Variants in CCM2 observed in about 807,000 individuals in gnomAD.
The protein encoded by CCM2 is CCM2 scaffold protein.
In CCM2, 25 loss-of-function variants were observed where a neutral mutation model predicts 44.9. The observed-to-expected ratio is 0.56, with a 90% CI of 0.41 to 0.78. CCM2 has a LOEUF of 0.78. Among genes scored for constraint, CCM2 ranks in the 30% least tolerant of loss-of-function variants. The probability of loss-of-function intolerance (pLI) is 0.00; values close to 1 mark genes in which losing one functional copy is unlikely to be tolerated. For missense variants in CCM2, 481 were observed against 580.6 expected (o/e 0.83, Z 1.76); for synonymous variants, 219 against 241.1 (o/e 0.91, Z 0.85).
At chr7:45,058,243 G>A (rs2128744242) in intron 2 of CCM2, among the ~76,000 whole-genome samples, 1 of 152,268 alleles carries the variant, frequency 6.6e-6, no homozygotes, top group Middle Eastern at 3.4e-3. Context: ...AGTGATAAGA[G>A]GGGACATCTT....
At chr7:45,031,027 AT>A (rs1796941370) in intron 1 of CCM2, among the ~76,000 whole-genome samples, 1 of 151,914 alleles carries the variant, frequency 6.6e-6, no homozygotes, top group Admixed American at 6.6e-5. Flanking sequence ...CCTGGCCTCG[AT>A]TTATTTTTTA....
intron 1 of CCM2, among the ~76,000 whole-genome samples, chr7:45,032,038 C>T (rs1796993565): frequency 6.6e-6 from 1 of 152,162 alleles, no homozygotes; most frequent in Non-Finnish European, 1.5e-5. Context: ...CTGAAAAGCC[C>T]CATCATCCTC....
chr7:45,011,199 A>ATT (rs35848506), intron 1 of CCM2, among the ~76,000 whole-genome samples: 54 of 145,960 alleles, frequency 3.7e-4, no homozygotes, highest in African/African-American at 9.5e-4. Flanking sequence ...GCCCAGCTAA[A>ATT]TTTTTTTTTT....
intron 1 of CCM2, among the ~76,000 whole-genome samples, chr7:45,035,466 G>A (rs534775068): frequency 1.3e-5 from 2 of 152,214 alleles, no homozygotes; most frequent in East Asian, 3.9e-4. Flanking sequence ...GCCTATTCCA[G>A]GTCAAAGGGG....
At chr7:45,032,397 T>C (rs1397354953) in intron 1 of CCM2, among the ~76,000 whole-genome samples, 3 of 152,076 alleles carry the variant, frequency 2.0e-5, no homozygotes, top group African/African-American at 4.8e-5. Flanking sequence ...CCTCCTCTGC[T>C]AGTCTGTGAG....
At chr7:45,055,069 T>C (rs780865905) in intron 2 of CCM2, among the ~76,000 whole-genome samples, 17 of 152,210 alleles carry the variant, frequency 1.1e-4, no homozygotes, top group Non-Finnish European at 2.5e-4. Flanking sequence ...GAATCCTCTT[T>C]AGAGATCTGT....
At chr7:45,020,612 A>G (rs1796445681) in intron 1 of CCM2, among the ~76,000 whole-genome samples, 1 of 152,232 alleles carries the variant, frequency 6.6e-6, no homozygotes, top group South Asian at 2.1e-4. Flanking sequence ...ACATAAGTGC[A>G]TTTGTAATTT....
chr7:45,051,153 C>T (rs1303806401), intron 2 of CCM2, among the ~76,000 whole-genome samples: 1 of 152,192 alleles, frequency 6.6e-6, no homozygotes, highest in Non-Finnish European at 1.5e-5. Context: ...CCAGACTCAG[C>T]TTCTCCAGAG....
intron 1 of CCM2, among the ~76,000 whole-genome samples, chr7:45,007,618 A>T (rs1170965937): frequency 6.6e-6 from 1 of 152,178 alleles, no homozygotes; most frequent in Non-Finnish European, 1.5e-5. Flanking sequence ...GAATTAGGGC[A>T]TTTGACCATA....
At chr7:45,045,125 A>G (rs1797690102) in intron 2 of CCM2, among the ~76,000 whole-genome samples, 1 of 152,182 alleles carries the variant, frequency 6.6e-6, no homozygotes, top group Admixed American at 6.5e-5. Flanking sequence ...TATTCAACAA[A>G]TATATGTTGA....
chr7:45,047,753 G>A (rs1797826795), intron 2 of CCM2, among the ~76,000 whole-genome samples: 1 of 152,242 alleles, frequency 6.6e-6, no homozygotes, highest in Non-Finnish European at 1.5e-5. Flanking sequence ...GGTCCTCACA[G>A]TGATGGGTGC....
chr7:45,073,301 C>T (rs113637574), intron 7 of CCM2, 159 bp from the exon 8 acceptor site: 325 of 655,510 alleles, frequency 5.0e-4, no homozygotes, highest in Admixed American at 7.4e-4. Context: ...GACCACCCTG[C>T]ATGCCCAGTC....
At chr7:45,074,983 C>G (rs1799273498) in intron 9 of CCM2, among the ~76,000 whole-genome samples, 1 of 152,214 alleles carries the variant, frequency 6.6e-6, no homozygotes, top group African/African-American at 2.4e-5. Flanking sequence ...TAATGTGTTG[C>G]TAGTAGCCAG....
chr7:45,072,362 G>A, intron 6 of CCM2: 1 of 396,234 alleles, frequency 2.5e-6, no homozygotes, highest in Admixed American at 3.6e-5. Flanking sequence ...AGTGAAGACA[G>A]GGGTGATATA....
At chr7:45,024,328 A>G (rs1474457858) in intron 1 of CCM2, among the ~76,000 whole-genome samples, 1 of 152,234 alleles carries the variant, frequency 6.6e-6, no homozygotes, top group Non-Finnish European at 1.5e-5. Flanking sequence ...TCATCTCTGC[A>G]TGTCCAGGCC....
chr7:45,059,340 T>C (rs979281380), intron 2 of CCM2, among the ~76,000 whole-genome samples: 9 of 151,310 alleles, frequency 5.9e-5, no homozygotes, highest in Non-Finnish European at 1.3e-4. Context: ...CCCAGCACTT[T>C]GGGAGGCCAA....
At chr7:45,054,644 A>T (rs535199690) in intron 2 of CCM2, among the ~76,000 whole-genome samples, 1 of 152,314 alleles carries the variant, frequency 6.6e-6, no homozygotes, top group South Asian at 2.1e-4. Flanking sequence ...AGGGTGTGTG[A>T]GAGGCCACCT....
At position 45,008,691 on chromosome 7, in the gene CCM2, G is replaced by A. The variant is rs555879801; in HGVS notation, c.30+8328G>A. Among the ~76,000 whole-genome samples the A allele has an allele frequency of 2.4e-4, 36 of 152,198 alleles. No individual in the cohort carries two copies. In the South Asian group the frequency reaches 6.2e-3, roughly 26 times the overall value. On this transcript the variant is annotated intron_variant, in intron 1 of 9. Coordinates refer to ENST00000258781, the MANE Select transcript of CCM2 (RefSeq NM_031443.4). ...GTACATGTTCTTAATGAGATGCCTT[G>A]GTCAGGTCTAAGTGTCAGTTATGGT... is the stretch of plus-strand genomic sequence containing the variant.
At chr7:45,005,351 A>G (rs988994903) in intron 1 of CCM2, among the ~76,000 whole-genome samples, 2 of 152,242 alleles carry the variant, frequency 1.3e-5, no homozygotes, top group Non-Finnish European at 1.5e-5. Flanking sequence ...TTCAGAAAGC[A>G]CATCAGAACC....
Sources: allele counts gnomAD v4.1 joint callset (sites outside exome capture counted in the v4.1 genomes callset), GRCh38; gene constraint gnomAD v4.1.1; transcripts MANE v1.5; gene names NCBI Gene and HGNC (gene_info 2026-07-23, HGNC 2026-07-21).